The following LINGO1 variants were observed in gnomAD, a reference collection of about 807,000 sequenced individuals.
The protein encoded by LINGO1 is leucine-rich repeat and immunoglobulin-like domain-containing nogo receptor-interacting protein 1.
In LINGO1, 11 loss-of-function variants were observed where a neutral mutation model predicts 37.3. That is an observed-to-expected ratio of 0.29 (90% CI 0.19 to 0.49). LINGO1 has a LOEUF of 0.49. Among genes scored for constraint, LINGO1 ranks in the 20% least tolerant of loss-of-function variants. LINGO1 has a pLI of 0.99. For synonymous variants in LINGO1, 387 were observed against 403.0 expected (o/e 0.96, Z 0.48); for missense variants, 585 against 878.2 (o/e 0.67, Z 4.22).
chr15:77,694,909 G>A (rs552601533), intron 1 of LINGO1, among the ~76,000 whole-genome samples: 1 of 152,318 alleles, frequency 6.6e-6, no homozygotes, highest in East Asian at 1.9e-4. Flanking sequence ...GTGTCAGGAG[G>A]TGGGGTCTCC....
At chr15:77,657,443 T>C (rs1028545715) in intron 3 of LINGO1, among the ~76,000 whole-genome samples, 1 of 152,132 alleles carries the variant, frequency 6.6e-6, no homozygotes, top group African/African-American at 2.4e-5. Context: ...TCTCTCTGGG[T>C]GTCCTGAATC....
At chr15:77,736,712 T>C (rs777388845) in intron 1 of LINGO1, among the ~76,000 whole-genome samples, 1 of 152,062 alleles carries the variant, frequency 6.6e-6, no homozygotes, top group Non-Finnish European at 1.5e-5. Context: ...AGGTGGAGGC[T>C]ACAGCGAGCT....
Position 77,767,954 on chromosome 15 carries a change from G to A in LINGO1, c.-257+18915C>T, listed in dbSNP as rs1006668775. Among the ~76,000 whole-genome samples, 10 of 152,334 alleles carry A rather than the reference G, an allele frequency of 6.6e-5. No individual in the cohort carries two copies. The South Asian group carries it at 1.9e-3, about 28-fold the overall frequency. ...CAGCAAATAAGCCAGTTATTTAGAC[G>A]TAGGGAAGTAAACACTCAAACAATC... On this transcript the variant is annotated intron_variant, in intron 1 of 3. Coordinates refer to the LINGO1 transcript ENST00000561686.
At chr15:77,714,748 G>A (rs775756665) in intron 2 of LINGO1, among the ~76,000 whole-genome samples, 10 of 152,168 alleles carry the variant, frequency 6.6e-5, no homozygotes, top group African/African-American at 1.9e-4. Flanking sequence ...TCTTCCTCCC[G>A]CGATAAGCCT....
chr15:77,694,000 T>TGAGAAG (rs1431372175), intron 1 of LINGO1, among the ~76,000 whole-genome samples: 1 of 152,040 alleles, frequency 6.6e-6, no homozygotes, highest in African/African-American at 2.4e-5. Context: ...GAAACAGATC[T>TGAGAAG]CTGTTCAGCA....
chr15:77,674,658 C>T (rs898128987), intron 3 of LINGO1, among the ~76,000 whole-genome samples: 31 of 152,126 alleles, frequency 2.0e-4, no homozygotes, highest in Admixed American at 1.7e-3. Context: ...ACAACATCCA[C>T]CCAACTCAGT....
At chr15:77,634,035 ACTC>A (rs1286527168), upstream of LINGO1, among the ~76,000 whole-genome samples, 27 of 152,054 alleles carry the variant, frequency 1.8e-4, no homozygotes, top group East Asian at 1.7e-3. Flanking sequence ...GCACATGAAT[ACTC>A]CTAATAGCTT....
intron 1 of LINGO1, among the ~76,000 whole-genome samples, chr15:77,693,961 A>G (rs1250779438): frequency 6.6e-6 from 1 of 152,178 alleles, no homozygotes; most frequent in Non-Finnish European, 1.5e-5. Context: ...CAGAGAGCAG[A>G]GCTAGGCCTA....
At chr15:77,818,579 C>T (rs1027849489) in intron 1 of LINGO1, among the ~76,000 whole-genome samples, 18 of 152,222 alleles carry the variant, frequency 1.2e-4, no homozygotes, top group Non-Finnish European at 1.0e-4. Flanking sequence ...GCGGCAAGTT[C>T]CCTTCTTCCA....
Position 77,678,170 on chromosome 15 carries a change from A to G in LINGO1, c.-98-996T>C, listed in dbSNP as rs199716956. ...AATAGTCCCACAGCAAACTTTTTCC[A>G]TCAGGTTTATTGAGGTATAATTACC... is the stretch of plus-strand genomic sequence containing the variant. On this transcript the variant is annotated intron_variant, in intron 2 of 3. Coordinates refer to the LINGO1 transcript ENST00000559893. Among the ~76,000 whole-genome samples, 438 of 152,272 alleles carry G rather than the reference A, an allele frequency of 2.9e-3. 1 individual carries two copies. The highest frequency in any genetic ancestry group is 4.9e-3 in the Non-Finnish European group (334 of 68,012).
chr15:77,622,994 C>T (rs1039972897), intron 1 of LINGO1, among the ~76,000 whole-genome samples: 11 of 152,184 alleles, frequency 7.2e-5, no homozygotes, highest in African/African-American at 2.4e-4. Flanking sequence ...CCTGTGGCCC[C>T]CAGACTGACA....
chr15:77,621,349 C>T (rs2073912570), intron 1 of LINGO1, among the ~76,000 whole-genome samples: 1 of 152,212 alleles, frequency 6.6e-6, no homozygotes, highest in Non-Finnish European at 1.5e-5. Context: ...GCCACTGTGC[C>T]CAGCTGAGGT....
At chr15:77,761,289 G>C (rs2076474533) in intron 1 of LINGO1, among the ~76,000 whole-genome samples, 1 of 152,022 alleles carries the variant, frequency 6.6e-6, no homozygotes, top group African/African-American at 2.4e-5. Context: ...CCAGTGCATT[G>C]GGTGGGGCAA....
chr15:77,756,660 T>C (rs1273046698), intron 1 of LINGO1, among the ~76,000 whole-genome samples: 4 of 152,214 alleles, frequency 2.6e-5, no homozygotes, highest in African/African-American at 9.6e-5. Context: ...CGTCTAACTG[T>C]CTGGCTTTCA....
At chr15:77,658,933 A>G (rs2074927682) in intron 3 of LINGO1, among the ~76,000 whole-genome samples, 1 of 152,228 alleles carries the variant, frequency 6.6e-6, no homozygotes, top group East Asian at 1.9e-4. Flanking sequence ...TGGAGATTTT[A>G]TCTAGTCACA....
At chr15:77,654,448 T>C (rs1257707794) in intron 3 of LINGO1, among the ~76,000 whole-genome samples, 3 of 152,092 alleles carry the variant, frequency 2.0e-5, no homozygotes, top group Non-Finnish European at 4.4e-5. Context: ...CTTCCCTAAG[T>C]AGAGGGGTCC....
At chr15:77,616,368 G>A (rs1423684938) in intron 1 of LINGO1, among the ~76,000 whole-genome samples, 1 of 152,198 alleles carries the variant, frequency 6.6e-6, no homozygotes, top group Non-Finnish European at 1.5e-5. Context: ...CCGGAGCAGA[G>A]CAACCAGGAG....
intron 2 of LINGO1, among the ~76,000 whole-genome samples, chr15:77,679,588 G>T (rs2075381093): frequency 6.6e-6 from 1 of 152,174 alleles, no homozygotes. Flanking sequence ...TTTTACAGAA[G>T]AGAAAACTGA....
Position 77,800,443 on chromosome 15 carries a change from G to A in LINGO1, c.-457-4390C>T, listed in dbSNP as rs2076908875. Among the ~76,000 whole-genome samples, 3 of 152,210 alleles carry A rather than the reference G, an allele frequency of 2.0e-5. No individual in the cohort carries two copies. The South Asian group carries it at 6.2e-4, about 32-fold the overall frequency. On this transcript the variant is annotated intron_variant, in intron 1 of 5. Coordinates refer to the LINGO1 transcript ENST00000562933. ...GACCCCAAAGCCAGCTGGACAGAGGGAGAGTAGAGAGCTGAAGATGGATAT... is the reference window on the plus strand; with the variant it reads ...GACCCCAAAGCCAGCTGGACAGAGGAAGAGTAGAGAGCTGAAGATGGATAT...
Sources: gnomAD v4.1 joint callset for allele counts (sites outside exome capture counted in the v4.1 genomes callset) on GRCh38, gnomAD v4.1.1 for gene constraint, MANE v1.5 for transcripts, NCBI Gene and HGNC (gene_info 2026-07-23, HGNC 2026-07-21) for gene names.